The following DPP10 variants were observed in gnomAD, a reference collection of about 807,000 sequenced individuals.
DPP10 encodes inactive dipeptidyl peptidase 10.
DPP10 carries 33 observed loss-of-function variants against 120.9 expected under a neutral mutation model. The observed-to-expected ratio is 0.27, with a 90% confidence interval of 0.21 to 0.37. The LOEUF is 0.37. DPP10 is among the 10% of genes least tolerant of loss of function. DPP10 has a pLI of 1.00. For synonymous variants in DPP10, 337 were observed against 326.1 expected (o/e 1.03, Z -0.36); for missense variants, 816 against 942.8 (o/e 0.87, Z 1.76).
At chr2:114,469,580 T>A (rs567617647) in intron 1 of DPP10, among the ~76,000 whole-genome samples, 2 of 151,814 alleles carry the variant, frequency 1.3e-5, no homozygotes, top group East Asian at 3.9e-4. Context: ...ATACAAAAAT[T>A]AGCTGGGAGT....
Position 114,520,378 on chromosome 2 carries a change from C to T in DPP10, c.60+77540C>T, listed in dbSNP as rs140494730. On this transcript the variant is annotated intron_variant, in intron 1 of 25. Transcript: ENST00000410059. ...CCCTCAATTTGGACATAATGCATTCCTAGAGACTGCTTCATAAAGGATATT... is the reference window on the plus strand; with the variant it reads ...CCCTCAATTTGGACATAATGCATTCTTAGAGACTGCTTCATAAAGGATATT... 2.4e-4 allele frequency among the ~76,000 whole-genome samples: 37 copies of T among 152,242 alleles called. No individual in the cohort carries two copies. The East Asian group carries it at 6.9e-3, about 29-fold the overall frequency.
At chr2:114,618,849 A>C (rs972409150) in intron 1 of DPP10, among the ~76,000 whole-genome samples, 1 of 152,026 alleles carries the variant, frequency 6.6e-6, no homozygotes, top group Non-Finnish European at 1.5e-5. Flanking sequence ...AAGTAGCACT[A>C]TATACATATA....
intron 1 of DPP10, among the ~76,000 whole-genome samples, chr2:114,475,524 T>C (rs1680301427): frequency 2.6e-5 from 4 of 152,094 alleles, no homozygotes; most frequent in African/African-American, 9.7e-5. Flanking sequence ...TTCTCCCAGG[T>C]CTAATGTATC....
At position 114,608,875 on chromosome 2, in the gene DPP10, T is replaced by A. The variant is rs72953534; in HGVS notation, c.60+166037T>A. On this transcript the variant is annotated intron_variant, in intron 1 of 25. Transcript: ENST00000410059. ...GCATAAAGATGGCAACCGTAGAAAC[T>A]GGGGATGACTAGAAAGGGGAGAGAG... is the stretch of plus-strand genomic sequence containing the variant. 4.8e-3 allele frequency among the ~76,000 whole-genome samples: 734 copies of A among 152,014 alleles called. 10 individuals carry two copies. Among genetic ancestry groups the A allele is most frequent in the African/African-American group, 0.017 (709 of 41,466 alleles).
At chr2:114,515,559 C>A (rs1684526895) in intron 1 of DPP10, among the ~76,000 whole-genome samples, 1 of 152,150 alleles carries the variant, frequency 6.6e-6, no homozygotes, top group East Asian at 1.9e-4. Context: ...GAAAATAGTA[C>A]AACACCCAAC....
At chr2:114,639,628 A>G (rs182421215) in intron 1 of DPP10, among the ~76,000 whole-genome samples, 62 of 152,024 alleles carry the variant, frequency 4.1e-4, no homozygotes, top group Non-Finnish European at 6.8e-4. Context: ...AAACCTGCAC[A>G]TGTACCCCTT....
intron 1 of DPP10, among the ~76,000 whole-genome samples, chr2:114,837,305 C>T (rs538438702): frequency 1.7e-4 from 26 of 152,276 alleles, no homozygotes; most frequent in Admixed American, 1.7e-3. Flanking sequence ...AATCCACGTT[C>T]TTCTGCCATG....
intron 3 of DPP10, among the ~76,000 whole-genome samples, chr2:115,427,133 G>T (rs978262559): frequency 6.6e-6 from 1 of 152,154 alleles, no homozygotes; most frequent in African/African-American, 2.4e-5. Flanking sequence ...CAAGGGGTGG[G>T]CTCCCAGGGC....
At position 115,400,558 on chromosome 2, in the gene DPP10, A is replaced by T. The variant is rs112605468; in HGVS notation, c.271+56646A>T. On this transcript the variant is annotated intron_variant, in intron 3 of 25. Coordinates refer to ENST00000410059, the MANE Select transcript of DPP10 (RefSeq NM_020868.6). Reference sequence around the variant, plus strand: ...AATATCAAAAGTTGTAGGTTGAGAGACTGTAAGTCCAGATGCTTCCTGACT... The same window carrying T: ...AATATCAAAAGTTGTAGGTTGAGAGTCTGTAAGTCCAGATGCTTCCTGACT... Among the ~76,000 whole-genome samples, 841 of 152,200 alleles carry T rather than the reference A, an allele frequency of 5.5e-3. 7 individuals carry two copies. Among genetic ancestry groups the T allele is most frequent in the African/African-American group, 0.019 (790 of 41,536 alleles).
At chr2:115,294,119 G>A (rs1478571630) in intron 1 of DPP10, among the ~76,000 whole-genome samples, 1 of 152,066 alleles carries the variant, frequency 6.6e-6, no homozygotes, top group African/African-American at 2.4e-5. Flanking sequence ...ACAAACAGAT[G>A]TAGTTTGTTA....
chr2:114,987,978 T>C (rs1030439365), intron 1 of DPP10, among the ~76,000 whole-genome samples: 231 of 151,942 alleles, frequency 1.5e-3, no homozygotes, highest in African/African-American at 5.4e-3. Context: ...TAATTTTTTG[T>C]ATTTTTAGTA....
intron 1 of DPP10, among the ~76,000 whole-genome samples, chr2:114,977,507 G>T (rs1182287023): frequency 6.6e-6 from 1 of 152,084 alleles, no homozygotes; most frequent in Non-Finnish European, 1.5e-5. Context: ...ACCATTCCTT[G>T]TTGGAGCACA....
intron 1 of DPP10, among the ~76,000 whole-genome samples, chr2:114,599,020 G>T (rs1044310099): frequency 1.3e-5 from 2 of 151,864 alleles, no homozygotes; most frequent in African/African-American, 4.8e-5. Flanking sequence ...TGGATGAAAA[G>T]AGTTCTGCGT....
intron 1 of DPP10, among the ~76,000 whole-genome samples, chr2:115,099,813 A>T (rs1001427279): frequency 4.6e-5 from 7 of 152,142 alleles, no homozygotes; most frequent in African/African-American, 1.7e-4. Context: ...TTTGCTCTGT[A>T]AGGCTGGCAG....
chr2:115,535,681 T>C (rs2078780906), intron 5 of DPP10, among the ~76,000 whole-genome samples: 1 of 150,952 alleles, frequency 6.6e-6, no homozygotes, highest in South Asian at 2.1e-4. Flanking sequence ...GGGATGGCAT[T>C]GAATCTGTAA....
At chr2:114,525,550 A>G (rs1573565734) in intron 1 of DPP10, among the ~76,000 whole-genome samples, 1 of 152,322 alleles carries the variant, frequency 6.6e-6, no homozygotes, top group South Asian at 2.1e-4. Context: ...TATTATCTCC[A>G]TTTTACAGAT....
chr2:114,910,959 A>G (rs1694321154), intron 1 of DPP10, among the ~76,000 whole-genome samples: 2 of 152,150 alleles, frequency 1.3e-5, no homozygotes, highest in Admixed American at 1.3e-4. Context: ...TAACATTCAA[A>G]TGTGGCTCTT....
chr2:114,571,071 T>G (rs1240393731), intron 1 of DPP10, among the ~76,000 whole-genome samples: 1 of 152,124 alleles, frequency 6.6e-6, no homozygotes, highest in African/African-American at 2.4e-5. Flanking sequence ...AGCTGTATAC[T>G]GCTTAAATAA....
intron 1 of DPP10, among the ~76,000 whole-genome samples, chr2:115,183,125 G>A (rs1005845329): frequency 3.9e-5 from 6 of 152,156 alleles, no homozygotes; most frequent in African/African-American, 1.4e-4. Flanking sequence ...AAGCCTTGTA[G>A]AACTAATTGT....
Sources: gnomAD v4.1 joint callset for allele counts (sites outside exome capture counted in the v4.1 genomes callset) on GRCh38, gnomAD v4.1.1 for gene constraint, MANE v1.5 for transcripts, NCBI Gene and HGNC (gene_info 2026-07-23, HGNC 2026-07-21) for gene names.